Variants in P3H4 observed in about 807,000 individuals in gnomAD.
The protein encoded by P3H4 is endoplasmic reticulum protein SC65.
In P3H4, 47 loss-of-function variants were observed where a neutral mutation model predicts 52.9. That is an observed-to-expected ratio of 0.89 (90% CI 0.70 to 1.13). The LOEUF (loss-of-function observed/expected upper bound fraction) is 1.13. P3H4 is among the 50% of genes most tolerant of loss of function. The pLI is 0.00. For synonymous variants in P3H4, 256 were observed against 267.9 expected, an observed-to-expected ratio of 0.96 and a Z score of 0.44; for missense variants, 585 against 611.0, an observed-to-expected ratio of 0.96 and a Z score of 0.45.
chr17:41,808,247 C>T (rs1555614490), intron 4 of P3H4, among the ~76,000 whole-genome samples: 1 of 152,218 alleles, frequency 6.6e-6, no homozygotes, highest in Non-Finnish European at 1.5e-5. Flanking sequence ...CAGGGTCTCA[C>T]TCTATCACCC....
intron 7 of P3H4, 123 bp from the exon 8 acceptor site, chr17:41,803,102 C>G: frequency 7.0e-7 from 1 of 1,426,534 alleles, no homozygotes; most frequent in Admixed American, 2.2e-5. Flanking sequence ...GGTCCCAGCT[C>G]CAGGGGAGAT....
rs782011053 is a variant in P3H4, at chr17:41,811,741, G to A, written c.175C>T (p.Leu59=). 4 of 1,518,502 alleles carry A rather than the reference G, an allele frequency of 2.6e-6. No homozygotes were observed. The highest frequency in any genetic ancestry group is 3.5e-6 in the Non-Finnish European group (4 of 1,145,158). 94.1% of individuals were successfully genotyped at this position (1,518,502 alleles called of 1,614,324 possible). A position where few individuals can be genotyped will look rare whatever the true frequency, so the allele number is the denominator to read the frequency against. Residue 59 remains leucine (L), a synonymous_variant, in exon 1 of 8, where the codon CTG becomes TTG. Transcript: ENST00000393928. The surrounding 1 kb of genome is among the most constrained non-coding windows in gnomAD (Gnocchi z 4.8). ...CGGTGCAGCCGCAGCGCCGCCTCCA[G>A]GTAGCGCGCGCTCTCGCGCCAGCTC... ...GESWRESARY[L]EAALRLHRLL...
In P3H4 at chr17:41,811,643, G is replaced by A; in HGVS notation, c.273C>T (p.Pro91=). 1 of 1,450,646 alleles carries A rather than the reference G, an allele frequency of 6.9e-7. No homozygotes were observed. Among genetic ancestry groups the A allele is most frequent in the East Asian group, 2.8e-5 (1 of 35,424 alleles). 89.9% of individuals were successfully genotyped at this position (1,450,646 alleles called of 1,614,324 possible). ...SGPAPAAKPD[P]DGGRADEWAC... ...CCCACTCGTCTGCGCGGCCGCCGTC[G>A]GGATCGGGCTTGGCCGCGGGCGCGG... is the stretch of plus-strand genomic sequence containing the variant. The change falls in exon 1 of 8, where the codon CCC becomes CCT. Residue 91 remains proline (P), a synonymous_variant. Transcript: ENST00000393928. This position sits in a 1 kb window ranked among gnomAD's most constrained non-coding sequence, Gnocchi z 4.8.
chr17:41,804,240 C>T (rs1477896753), intron 6 of P3H4, among the ~76,000 whole-genome samples: 5 of 151,862 alleles, frequency 3.3e-5, no homozygotes, highest in East Asian at 2.0e-4. Flanking sequence ...TGTGAGCCAC[C>T]GTGCCCCGCC....
rs1555613676 is a variant in P3H4, at chr17:41,802,711, CCGG to C, written c.*243_*245del. ...GGATTTCAGGCGCCTGCCACCACAC[CCGG>C]CTAATTTATGTATTTTAGTAGAGAC... On this transcript the variant is annotated 3_prime_UTR_variant, in exon 8 of 8. Coordinates refer to ENST00000393928, the MANE Select transcript of P3H4 (RefSeq NM_006455.3). 2.4e-6 allele frequency: 1 copy of C among 424,090 alleles called. No individual in the cohort carries two copies. The allele number at this position is 424,090 out of a possible 1,614,324, so 26.3% of individuals were successfully genotyped here.
At position 41,809,789 on chromosome 17, in the gene P3H4, T is replaced by C; in HGVS notation, c.833A>G (p.Asn278Ser). The C allele has an allele frequency of 1.9e-6, 3 of 1,613,878 alleles. No individual in the cohort carries two copies. Among genetic ancestry groups the C allele is most frequent in the Non-Finnish European group, 2.5e-6 (3 of 1,179,976 alleles). Residue 278 changes from asparagine to serine, a missense_variant, in exon 4 of 8, where the codon AAT becomes AGT. By Grantham distance (46) the Asn-to-Ser change is conservative (BLOSUM62 1). Transcript: ENST00000393928. ...GTAGCCACCCACATTGGGGGTCAAA[T>C]TGGCCTCACAGTCCACCTTGCACTG... Reference protein sequence around the residue: ...SLQCKVDCEANLTPNVGGYFV... With the variant: ...SLQCKVDCEASLTPNVGGYFV...
intron 4 of P3H4, among the ~76,000 whole-genome samples, chr17:41,808,776 T>TC (rs1419756414): frequency 6.6e-6 from 1 of 152,194 alleles, no homozygotes; most frequent in African/African-American, 2.4e-5. Context: ...CTCACACAGC[T>TC]GGAGAATGAT....
At chr17:41,805,320 C>G (rs2047663158) in intron 6 of P3H4, among the ~76,000 whole-genome samples, 1 of 44,250 alleles carries the variant, frequency 2.3e-5, no homozygotes, top group Non-Finnish European at 5.6e-5. Context: ...CATACTTGAT[C>G]TCACTTAATT....
intron 6 of P3H4, among the ~76,000 whole-genome samples, chr17:41,806,356 G>A (rs1211259465): frequency 2.0e-5 from 3 of 152,232 alleles, no homozygotes; most frequent in African/African-American, 7.2e-5. Context: ...CAGGATGTGG[G>A]AGAACAGGGA....
At chr17:41,810,478 A>C (rs2047717913) in intron 3 of P3H4, among the ~76,000 whole-genome samples, 1 of 152,034 alleles carries the variant, frequency 6.6e-6, no homozygotes, top group South Asian at 2.1e-4. Flanking sequence ...GGCCAAGTAC[A>C]GTCCTTTCTG....
Position 41,811,780 on chromosome 17 carries a change from G to C in P3H4, c.136C>G (p.Gln46Glu), listed in dbSNP as rs782163185. The C allele has an allele frequency of 6.5e-7, 1 of 1,536,168 alleles. No individual in the cohort carries two copies. The highest frequency in any genetic ancestry group is 8.7e-7 in the Non-Finnish European group (1 of 1,153,040). The change falls in exon 1 of 8, where the codon CAG becomes GAG. Residue 46 changes from glutamine to glutamate, a missense_variant. Coordinates refer to ENST00000393928, the MANE Select transcript of P3H4 (RefSeq NM_006455.3). This position sits in a 1 kb window ranked among gnomAD's most constrained non-coding sequence, Gnocchi z 4.8. ...TCGCGCCAGCTCTCTCCCTCGTACT[G>C]CTCCAGAGCGTGCCCGTACGCCGCG... Reference protein sequence around the residue: ...LAAAYGHALEQYEGESWRESA... With the variant: ...LAAAYGHALEEYEGESWRESA...
Position 41,811,180 on chromosome 17 carries a change from C to A in P3H4, c.567G>T (p.Leu189=). The A allele has an allele frequency of 2.5e-6, 4 of 1,614,222 alleles. No homozygotes were observed. The highest frequency in any genetic ancestry group is 3.4e-6 in the Non-Finnish European group (4 of 1,180,036). ...AKYLNYYQGM[L]DVADESLTDL... is the part of the protein sequence containing the mutation. ...CCGTGAGGGACTCGTCGGCGACGTC[C>A]AGCATCCCCTGATAGTAGTTGAGAT... Residue 189 remains leucine (L), a synonymous_variant, in exon 2 of 8, where the codon CTG becomes CTT. Transcript: ENST00000393928. This position sits in a 1 kb window ranked among gnomAD's most constrained non-coding sequence, Gnocchi z 4.8.
At position 41,809,642 on chromosome 17, in the gene P3H4, C is replaced by T. The variant is rs1269744958; in HGVS notation, c.916+64G>A. 2.6e-6 allele frequency: 4 copies of T among 1,556,636 alleles called. No individual in the cohort carries two copies. In the East Asian group the frequency reaches 9.1e-5, roughly 35 times the overall value. ...AAGCTCCCCACAACTCTGGGAGGCT[C>T]CCATACAGTCCTCTCCCTTATCACC... On this transcript the variant is annotated intron_variant, in intron 4 of 7. Transcript: ENST00000393928.
chr17:41,810,215 C>T (rs1555614771), intron 3 of P3H4, among the ~76,000 whole-genome samples: 2 of 147,286 alleles, frequency 1.4e-5, no homozygotes, highest in Non-Finnish European at 3.0e-5. Flanking sequence ...GCCCTGTCGA[C>T]CAGGCTGGAG....
At position 41,811,119 on chromosome 17, in the gene P3H4, C is replaced by A. The variant is rs1165722179; in HGVS notation, c.615+13G>T. The A allele has an allele frequency of 1.2e-5, 19 of 1,613,932 alleles. No individual in the cohort carries two copies. Among genetic ancestry groups the A allele is most frequent in the Non-Finnish European group, 1.6e-5 (19 of 1,179,930 alleles). Reference sequence around the variant, plus strand: ...CCCTCCTCTACAAGCCTCCTCCTGACCCTCCACCCCACCTCGTAGGGCTGG... The same window carrying A: ...CCCTCCTCTACAAGCCTCCTCCTGAACCTCCACCCCACCTCGTAGGGCTGG... On this transcript the variant is annotated intron_variant, in intron 2 of 7. Coordinates refer to ENST00000393928, the MANE Select transcript of P3H4 (RefSeq NM_006455.3). This position sits in a 1 kb window ranked among gnomAD's most constrained non-coding sequence, Gnocchi z 4.8.
rs1402512492 is a variant in P3H4 at position 41,802,010 on chromosome 17, A to G, written c.*947T>C. On this transcript the variant is annotated 3_prime_UTR_variant, in exon 8 of 8. Coordinates refer to ENST00000393928, the MANE Select transcript of P3H4 (RefSeq NM_006455.3). ...CTGGTCAGGGCCCTGGAACCACTAG[A>G]CTCTTAGTCCAGTGCTCTTCAGGAC... 6.6e-6 allele frequency: 1 copy of G among 152,036 alleles called. No individual in the cohort carries two copies. Among genetic ancestry groups the G allele is most frequent in the African/African-American group, 2.4e-5 (1 of 41,272 alleles). The allele number at this position is 152,036 out of a possible 1,614,324, so 9.4% of individuals were successfully genotyped here.
chr17:41,803,061 G>T, intron 7 of P3H4, 82 bp from the exon 8 acceptor site: 1 of 1,520,350 alleles, frequency 6.6e-7, no homozygotes. Flanking sequence ...GATGGGAGGT[G>T]GGGTGAGGCT....
At chr17:41,804,366 C>G (rs1555613910) in intron 6 of P3H4, among the ~76,000 whole-genome samples, 1 of 152,014 alleles carries the variant, frequency 6.6e-6, no homozygotes, top group African/African-American at 2.4e-5. Flanking sequence ...TGGCTCACAC[C>G]TGTAATCCCA....
chr17:41,810,679 C>G, intron 3 of P3H4, 184 bp downstream of exon 3: 1 of 660,050 alleles, frequency 1.5e-6, no homozygotes. Context: ...CCTCTACTCA[C>G]TGATCCAGCC....
Sources: allele counts gnomAD v4.1 joint callset (sites outside exome capture counted in the v4.1 genomes callset), GRCh38; gene constraint gnomAD v4.1.1; non-coding constraint Gnocchi (gnomAD v3.1); transcripts MANE v1.5; gene names NCBI Gene and HGNC (gene_info 2026-07-23, HGNC 2026-07-21).